Variants in HIPK1 observed in about 807,000 individuals in gnomAD.
HIPK1 encodes the protein homeodomain interacting protein kinase 1, also known as homeodomain-interacting protein kinase 1.
Under a neutral mutation model 117.1 loss-of-function variants are expected in HIPK1, and 28 were observed. The ratio of observed to expected loss-of-function variants is 0.24; its 90% CI spans 0.18 to 0.33. The LOEUF is 0.33. Ranked by LOEUF, HIPK1 falls within the 10% of genes least tolerant of loss-of-function variation. The pLI, the probability that HIPK1 is intolerant of heterozygous loss-of-function variation, is 1.00. For synonymous variants in HIPK1, 605 were observed against 562.5 expected (o/e 1.08, Z -1.07); for missense variants, 1,122 against 1,475.1 (o/e 0.76, Z 3.92).
chr1:113,961,156 G>C (rs982850900), intron 8 of HIPK1, among the ~76,000 whole-genome samples: 2 of 152,176 alleles, frequency 1.3e-5, no homozygotes, highest in Non-Finnish European at 2.9e-5. Context: ...ATTGTCTTTA[G>C]TTGTGCTTTT....
At chr1:113,931,225 A>G (rs1328149948) in intron 1 of HIPK1, among the ~76,000 whole-genome samples, 2 of 143,576 alleles carry the variant, frequency 1.4e-5, no homozygotes, top group African/African-American at 2.6e-5. Context: ...AGCTTTTTTC[A>G]TATGGAAGCC....
At chr1:113,952,680 A>G (rs552146885) in intron 2 of HIPK1, 86 bp from the exon 3 acceptor site, 1 of 1,002,258 alleles carries the variant, frequency 1.0e-6, no homozygotes, top group Non-Finnish European at 1.3e-6. Flanking sequence ...TCCTTTAGCT[A>G]ATACTAAAAC....
chr1:113,956,774 A>G lies in HIPK1; in HGVS notation c.1555A>G (p.Thr519Ala). ...AAAAACTCTTAACCATCAGTTTGTG[A>G]CAATGACTCACCTTTTGGATTTTCC... ...PLKTLNHQFVTMTHLLDFPHS... is the reference protein window; with the variant it reads ...PLKTLNHQFVAMTHLLDFPHS... Residue 519 changes from threonine to alanine, a missense_variant, in exon 6 of 16, where the codon ACA becomes GCA. Physicochemically the swap from Thr to Ala is moderately conservative, Grantham distance 58. This residue lies in a region of HIPK1 where 731 missense variants were observed against 860.4 expected (regional missense o/e 0.85). Transcript: ENST00000426820. The G allele has an allele frequency of 6.2e-7, 1 of 1,614,150 alleles. No individual in the cohort carries two copies. Among genetic ancestry groups the G allele is most frequent in the East Asian group, 2.2e-5 (1 of 44,882 alleles).
chr1:113,957,189 G>A lies in HIPK1; in HGVS notation c.1658G>A (p.Ser553Asn). ...AGGGTTCACATGTATGATACAGTGAGTCAGATCAAGAGTCCCTTCACTACA... is the reference window on the plus strand; with the variant it reads ...AGGGTTCACATGTATGATACAGTGAATCAGATCAAGAGTCCCTTCACTACA... ...KRRVHMYDTVSQIKSPFTTHV... is the reference protein window; with the variant it reads ...KRRVHMYDTVNQIKSPFTTHV... The change falls in exon 7 of 16, where the codon AGT becomes AAT. Residue 553 changes from serine to asparagine, a missense_variant. Ser to Asn is a conservative substitution (Grantham distance 46, BLOSUM62 1). Coordinates refer to ENST00000426820, the MANE Select transcript of HIPK1 (RefSeq NM_198268.3). 1 of 1,612,826 alleles carries A rather than the reference G, an allele frequency of 6.2e-7. No homozygotes were observed. The highest frequency in any genetic ancestry group is 1.1e-5 in the South Asian group (1 of 91,038).
chr1:113,963,937 C>T (rs115084724), intron 10 of HIPK1, among the ~76,000 whole-genome samples: 3,795 of 152,252 alleles, frequency 0.025, 49 homozygotes, highest in Middle Eastern at 0.044. Flanking sequence ...TACAGGTACC[C>T]GGATGGCCAA....
chr1:113,958,054 T>G lies in HIPK1; in HGVS notation c.1756-12T>G. Reference sequence around the variant, plus strand: ...TAATACAAGTGTACAAATATAATCCTTTTGTTTTTAGGCCAGTGTTCTAGC... The same window carrying G: ...TAATACAAGTGTACAAATATAATCCGTTTGTTTTTAGGCCAGTGTTCTAGC... On this transcript the variant is annotated splice_polypyrimidine_tract_variant and intron_variant, in intron 7 of 15. Transcript: ENST00000426820. 1 of 1,591,844 alleles carries G rather than the reference T, an allele frequency of 6.3e-7. No homozygotes were observed. The highest frequency in any genetic ancestry group is 8.6e-7 in the Non-Finnish European group (1 of 1,159,768).
In HIPK1 at chr1:113,966,197, C is replaced by T; in HGVS notation, c.2306C>T (p.Ala769Val). 6.2e-7 allele frequency: 1 copy of T among 1,613,486 alleles called. No individual in the cohort carries two copies. The highest frequency in any genetic ancestry group is 8.5e-7 in the Non-Finnish European group (1 of 1,179,804). Residue 769 changes from alanine to valine, a missense_variant, in exon 11 of 16, where the codon GCT becomes GTT. Ala to Val is a moderately conservative substitution (Grantham distance 64). Transcript: ENST00000426820. ...PSTWQQLPGV[A>V]LHNSVQPTAM... is the part of the protein sequence containing the mutation. ...ACTTGGCAACAGTTGCCTGGGGTAG[C>T]TCTACACAACTCTGTCCAGCCCACA...
rs140342055 is a variant in HIPK1, at chr1:113,940,922, A to C, written c.539A>C (p.His180Pro). The part of the protein sequence containing the change: ...SGEGDYQLVQ[H>P]EILCSMTNSY... ...GAAGGGGATTACCAGCTGGTCCAGC[A>C]TGAGATCCTTTGCTCTATGACCAAT... is the stretch of plus-strand genomic sequence containing the variant. Residue 180 changes from histidine (H) to proline (P), a missense_variant, in exon 2 of 16, where the codon CAT becomes CCT. Transcript: ENST00000426820. The C allele has an allele frequency of 6.2e-7, 1 of 1,614,178 alleles. No homozygotes were observed.
intron 1 of HIPK1, among the ~76,000 whole-genome samples, chr1:113,939,940 A>G (rs1670536737): frequency 6.8e-6 from 1 of 147,198 alleles, no homozygotes; most frequent in Non-Finnish European, 1.5e-5. Flanking sequence ...TAGCTTTCTC[A>G]TCATCCTGGT....
chr1:113,943,243 A>G (rs1305856661), intron 2 of HIPK1, among the ~76,000 whole-genome samples: 1 of 152,214 alleles, frequency 6.6e-6, no homozygotes, highest in Non-Finnish European at 1.5e-5. Context: ...AAATGTTTTC[A>G]TCACCCAAAA....
Position 113,968,425 on chromosome 1 carries a change from G to A in HIPK1, c.2565-17G>A, listed in dbSNP as rs1672598484. 1 of 1,588,098 alleles carries A rather than the reference G, an allele frequency of 6.3e-7. No homozygotes were observed. The highest frequency in any genetic ancestry group is 1.1e-5 in the South Asian group (1 of 90,554). On this transcript the variant is annotated splice_polypyrimidine_tract_variant and intron_variant, in intron 12 of 15. Transcript: ENST00000426820. The stretch of plus-strand genomic sequence containing the variant: ...GCCAAGGACTGAATCATCTTTCCAT[G>A]TGAACTTTTCCTACAGGTCCTCTCT...
chr1:113,929,856 C>T (rs1669726753), intron 1 of HIPK1: 2 of 987,500 alleles, frequency 2.0e-6, no homozygotes, highest in Non-Finnish European at 2.4e-6. Flanking sequence ...TATGATGACC[C>T]GGCTGCGGGG....
In HIPK1 at chr1:113,940,720, T is replaced by C. The variant is rs1571659758; in HGVS notation, c.337T>C (p.Ser113Pro). The part of the protein sequence containing the change: ...SQTLTHRSNV[S>P]LLEPYQKCGL... ...GACCCTGACTCACAGAAGCAACGTT[T>C]CTTTGCTTGAGCCATATCAAAAATG... The change falls in exon 2 of 16, where the codon TCT becomes CCT. Residue 113 changes from serine to proline, a missense_variant. Ser to Pro is a moderately conservative substitution (Grantham distance 74). Around this residue, in one of 6 missense-constraint regions of HIPK1, gnomAD observed 192 missense variants for 234.0 expected, o/e 0.82. Transcript: ENST00000426820. 1.9e-6 allele frequency: 3 copies of C among 1,614,166 alleles called. No homozygotes were observed. In the East Asian group the frequency reaches 6.7e-5, roughly 36 times the overall value.
At chr1:113,950,127 T>C (rs1265443712) in intron 2 of HIPK1, among the ~76,000 whole-genome samples, 1 of 152,190 alleles carries the variant, frequency 6.6e-6, no homozygotes, top group Non-Finnish European at 1.5e-5. Flanking sequence ...GGATTTTTTT[T>C]TTCTTCTATG....
chr1:113,943,249 C>T (rs1670766867), intron 2 of HIPK1, among the ~76,000 whole-genome samples: 1 of 152,164 alleles, frequency 6.6e-6, no homozygotes, highest in Admixed American at 6.5e-5. Flanking sequence ...TTTCATCACC[C>T]AAAACAGAAA....
At chr1:113,969,916 A>G in intron 13 of HIPK1, 40 bp from the exon 14 acceptor site, 1 of 1,610,820 alleles carries the variant, frequency 6.2e-7, no homozygotes, top group Non-Finnish European at 8.5e-7. Context: ...CACACACAAA[A>G]AAGAACAATT....
chr1:113,936,698 C>T (rs554056886), intron 1 of HIPK1, among the ~76,000 whole-genome samples: 1 of 152,312 alleles, frequency 6.6e-6, no homozygotes, highest in African/African-American at 2.4e-5. Context: ...CTCCTGACCT[C>T]ATGATCTGCC....
In HIPK1 at chr1:113,974,208, TA is replaced by T. The variant is rs1673021916; in HGVS notation, c.*700del. ...CCTGTGTTTGTTATAAAGTAGTGTT[TA>T]AAAGGCAGCTCACCATTTGCTGGTA... On this transcript the variant is annotated 3_prime_UTR_variant, in exon 16 of 16. Transcript: ENST00000426820. 6.6e-6 allele frequency: 1 copy of T among 152,466 alleles called. No homozygotes were observed. Among genetic ancestry groups the T allele is most frequent in the Admixed American group, 6.5e-5 (1 of 15,286 alleles). 9.4% of individuals were successfully genotyped at this position (152,466 alleles called of 1,614,324 possible).
At chr1:113,931,605 A>G (rs1669901409) in intron 1 of HIPK1, among the ~76,000 whole-genome samples, 1 of 152,176 alleles carries the variant, frequency 6.6e-6, no homozygotes, top group African/African-American at 2.4e-5. Flanking sequence ...TGGTAACTTG[A>G]GACTTCAAAC....
Sources: allele counts gnomAD v4.1 joint callset (sites outside exome capture counted in the v4.1 genomes callset), GRCh38; gene constraint gnomAD v4.1.1; regional missense constraint gnomAD v4.1.1; transcripts MANE v1.5; gene names NCBI Gene and HGNC (gene_info 2026-07-23, HGNC 2026-07-21).